The following EXTL3 variants were observed in gnomAD, a reference collection of about 807,000 sequenced individuals.
EXTL3 encodes the protein exostosin like glycosyltransferase 3, also known as exostosin-like 3.
In EXTL3, 27 loss-of-function variants were observed where a neutral mutation model predicts 69.3. That is an observed-to-expected ratio of 0.39 (90% CI 0.29 to 0.54). The LOEUF is 0.54. Ranked by LOEUF, EXTL3 falls within the 20% of genes least tolerant of loss-of-function variation. The pLI is 0.69. For missense variants in EXTL3, 1,003 were observed against 1,231.8 expected, an observed-to-expected ratio of 0.81 and a Z score of 2.78; for synonymous variants, 511 against 499.4, an observed-to-expected ratio of 1.02 and a Z score of -0.31.
At chr8:28,694,245 A>G (rs1800654800) in intron 1 of EXTL3, among the ~76,000 whole-genome samples, 1 of 152,190 alleles carries the variant, frequency 6.6e-6, no homozygotes, top group Non-Finnish European at 1.5e-5. Flanking sequence ...CTGTAAACTA[A>G]TTTATTGGTA....
chr8:28,731,428 T>C lies in EXTL3; in HGVS notation c.2276+78T>C, dbSNP rs1344048292. 5.2e-6 allele frequency: 8 copies of C among 1,527,892 alleles called. No homozygotes were observed. The Middle Eastern group carries it at 5.1e-4, about 97-fold the overall frequency. 94.6% of individuals were successfully genotyped at this position (1,527,892 alleles called of 1,614,324 possible). ...GGATTAGGCTGCAAAATGAATTTTT[T>C]GGCTGATGGTAACTGAGAACCCCTT... On this transcript the variant is annotated intron_variant, in intron 4 of 6. Coordinates refer to ENST00000220562, the MANE Select transcript of EXTL3 (RefSeq NM_001440.4).
chr8:28,736,591 TCATA>T (rs1304424083), intron 4 of EXTL3, among the ~76,000 whole-genome samples: 1 of 152,246 alleles, frequency 6.6e-6, no homozygotes, highest in African/African-American at 2.4e-5. Context: ...CCACTTCTCA[TCATA>T]CATGTTTCTC....
chr8:28,628,584 CACAT>C (rs1296173355), intron 1 of EXTL3, among the ~76,000 whole-genome samples: 1 of 152,172 alleles, frequency 6.6e-6, no homozygotes, highest in African/African-American at 2.4e-5. Flanking sequence ...TTTTACCACA[CACAT>C]AAAAAGTCCT....
rs1395367004 is a variant in EXTL3 at position 28,755,104 on chromosome 8, TTAAA to T, written c.*4242_*4245del. ...CCATCTCTTAAGCATATGTTAAAAG[TTAAA>T]TAATATAATATACGTAGAGTCCACT... On this transcript the variant is annotated 3_prime_UTR_variant, in exon 7 of 7. Coordinates refer to ENST00000220562, the MANE Select transcript of EXTL3 (RefSeq NM_001440.4). 2.0e-5 allele frequency: 3 copies of T among 152,094 alleles called. No homozygotes were observed. Among genetic ancestry groups the T allele is most frequent in the Non-Finnish European group, 2.9e-5 (2 of 68,012 alleles). 9.4% of individuals were successfully genotyped at this position (152,094 alleles called of 1,614,324 possible).
intron 1 of EXTL3, among the ~76,000 whole-genome samples, chr8:28,650,654 G>A (rs1806904877): frequency 6.6e-6 from 1 of 152,002 alleles, no homozygotes; most frequent in Non-Finnish European, 1.5e-5. Flanking sequence ...ACTGTGCCCG[G>A]CCTGTATTTA....
chr8:28,718,047 T>C lies in EXTL3; in HGVS notation c.1988T>C (p.Phe663Ser). 6.2e-7 allele frequency: 1 copy of C among 1,614,042 alleles called. No homozygotes were observed. Among genetic ancestry groups the C allele is most frequent in the Non-Finnish European group, 8.5e-7 (1 of 1,179,990 alleles). Residue 663 changes from phenylalanine to serine, a missense_variant, in exon 3 of 7, where the codon TTC becomes TCC. By Grantham distance (155) the Phe-to-Ser change is radical (BLOSUM62 -2). Coordinates refer to ENST00000220562, the MANE Select transcript of EXTL3 (RefSeq NM_001440.4). ...ALGGNVPREQ[F>S]TVVMLTYERE... Reference sequence around the variant, plus strand: ...GGAGGCAATGTTCCCCGAGAGCAGTTCACGGTGGTGATGTTGACTTATGAG... The same window carrying C: ...GGAGGCAATGTTCCCCGAGAGCAGTCCACGGTGGTGATGTTGACTTATGAG...
intron 1 of EXTL3, among the ~76,000 whole-genome samples, chr8:28,702,117 T>G (rs987689154): frequency 1.3e-5 from 2 of 152,166 alleles, no homozygotes; most frequent in Non-Finnish European, 2.9e-5. Flanking sequence ...GAGGCGCAGC[T>G]CCGGACTACC....
chr8:28,693,298 C>T (rs775320841), intron 1 of EXTL3, among the ~76,000 whole-genome samples: 3 of 151,960 alleles, frequency 2.0e-5, no homozygotes, highest in Admixed American at 6.6e-5. Flanking sequence ...TACAGGCGCC[C>T]GCCACCACAC....
intron 3 of EXTL3, among the ~76,000 whole-genome samples, chr8:28,728,314 A>G (rs1801457035): frequency 6.6e-6 from 1 of 152,178 alleles, no homozygotes; most frequent in Non-Finnish European, 1.5e-5. Context: ...GACAGCTGCT[A>G]AGGTGAGCAC....
Position 28,623,372 on chromosome 8 carries a change from C to G in EXTL3, c.-53+562C>G, listed in dbSNP as rs1445191265. 6.6e-6 allele frequency among the ~76,000 whole-genome samples: 1 copy of G among 152,212 alleles called. No individual in the cohort carries two copies. The highest frequency in any genetic ancestry group is 1.5e-5 in the Non-Finnish European group (1 of 68,034). ...CCCAAAGCCAGCCGTACCTGCGAGC[C>G]CCTCAGCACAGCTGACTTTAATTTG... On this transcript the variant is annotated intron_variant, in intron 1 of 6. Transcript: ENST00000523149. The surrounding 1 kb of genome is among the most constrained non-coding windows in gnomAD (Gnocchi z 4.2).
chr8:28,671,348 G>C (rs1253110965), intron 1 of EXTL3, among the ~76,000 whole-genome samples: 1 of 110,302 alleles, frequency 9.1e-6, no homozygotes, highest in Non-Finnish European at 1.7e-5. Flanking sequence ...CTCTCTCTCT[G>C]TTGCCTAGGC....
chr8:28,699,312 G>C (rs910856698), upstream of EXTL3: 1 of 152,504 alleles, frequency 6.6e-6, no homozygotes, highest in Non-Finnish European at 1.5e-5. Flanking sequence ...GTTGAAATTA[G>C]CAAGAAGAGA....
At position 28,747,728 on chromosome 8, in the gene EXTL3, C is replaced by CTT. The variant is rs71549697; in HGVS notation, c.2551-2912_2551-2911dup. 2.4e-3 allele frequency among the ~76,000 whole-genome samples: 299 copies of CTT among 124,698 alleles called. 4 individuals are homozygous for CTT. Among genetic ancestry groups the CTT allele is most frequent in the Non-Finnish European group, 3.9e-3 (236 of 60,310 alleles). 81.8% of individuals were successfully genotyped at this position (124,698 alleles called of 152,430 possible). On this transcript the variant is annotated intron_variant, in intron 6 of 6. Transcript: ENST00000220562. ...ACGTATATATGTATTTTTTCTTTTTCTTTTTTTTTTTTTTTTTTGAGATGG... is the reference window on the plus strand; with the variant it reads ...ACGTATATATGTATTTTTTCTTTTTCTTTTTTTTTTTTTTTTTTTTGAGATGG...
At position 28,679,586 on chromosome 8, in the gene EXTL3, CAT is replaced by C. The variant is rs576162305; in HGVS notation, c.-52-33869_-52-33868del. Among the ~76,000 whole-genome samples, 219 of 152,140 alleles carry C rather than the reference CAT, an allele frequency of 1.4e-3. 1 individual carries two copies. Among genetic ancestry groups the C allele is most frequent in the Non-Finnish European group, 2.7e-3 (186 of 67,990 alleles). On this transcript the variant is annotated intron_variant, in intron 1 of 6. Transcript: ENST00000523149. The stretch of plus-strand genomic sequence containing the variant: ...GACCCTGTTTCTACAAAAAACTAAA[CAT>C]AGCTAGGTGTCGTGAGGCACTCATG...
intron 3 of EXTL3, among the ~76,000 whole-genome samples, chr8:28,721,000 T>C (rs1027332760): frequency 2.0e-5 from 3 of 152,252 alleles, no homozygotes; most frequent in South Asian, 4.1e-4. Flanking sequence ...CTCCGTTGTT[T>C]CTGAGGATAT....
intron 1 of EXTL3, among the ~76,000 whole-genome samples, chr8:28,704,938 G>T (rs1585263408): frequency 6.6e-6 from 1 of 152,224 alleles, no homozygotes; most frequent in Non-Finnish European, 1.5e-5. Flanking sequence ...ATAGGCTTGA[G>T]CCGCCGCATC....
intron 2 of EXTL3, among the ~76,000 whole-genome samples, chr8:28,609,526 A>G (rs114809500): frequency 0.025 from 3,746 of 152,064 alleles, 145 homozygotes; most frequent in African/African-American, 0.077. Flanking sequence ...GGATGCCTGA[A>G]GGAGGAGCTC....
At chr8:28,639,748 C>T (rs1378236274) in intron 1 of EXTL3, among the ~76,000 whole-genome samples, 1 of 152,214 alleles carries the variant, frequency 6.6e-6, no homozygotes, top group Non-Finnish European at 1.5e-5. Context: ...TGTATATACT[C>T]TTCCTGTTAG....
intron 1 of EXTL3, among the ~76,000 whole-genome samples, chr8:28,692,845 C>T (rs1404022144): frequency 6.6e-6 from 1 of 152,154 alleles, no homozygotes; most frequent in Non-Finnish European, 1.5e-5. Flanking sequence ...ATAAATGTGA[C>T]ACTGGAACTC....
Sources: allele counts gnomAD v4.1 joint callset (sites outside exome capture counted in the v4.1 genomes callset), GRCh38; gene constraint gnomAD v4.1.1; non-coding constraint Gnocchi (gnomAD v3.1); transcripts MANE v1.5; gene names NCBI Gene and HGNC (gene_info 2026-07-23, HGNC 2026-07-21).